Variants in SGCZ observed in about 807,000 individuals in gnomAD.
SGCZ encodes the protein zeta-sarcoglycan.
In SGCZ, 40 loss-of-function variants were observed where a neutral mutation model predicts 41.3. The ratio of observed to expected loss-of-function variants is 0.97; its 90% confidence interval spans 0.75 to 1.26. The LOEUF is 1.26. Among genes scored for constraint, SGCZ ranks in the 50% most tolerant of loss-of-function variants. The pLI is 0.00. For synonymous variants in SGCZ, 206 were observed against 137.5 expected, an observed-to-expected ratio of 1.50 and a Z score of -3.49; for missense variants, 552 against 369.8, an observed-to-expected ratio of 1.49 and a Z score of -4.04.
chr8:14,815,546 T>C (rs756506273), intron 1 of SGCZ, among the ~76,000 whole-genome samples: 2 of 152,158 alleles, frequency 1.3e-5, no homozygotes, highest in South Asian at 2.1e-4. Flanking sequence ...TCTTTAGACA[T>C]TGTCTGCACC....
At chr8:14,670,601 A>G (rs1184329948) in intron 1 of SGCZ, among the ~76,000 whole-genome samples, 1 of 152,210 alleles carries the variant, frequency 6.6e-6, no homozygotes, top group Non-Finnish European at 1.5e-5. Flanking sequence ...ATGTTCTTAC[A>G]CCTGAGGAAA....
chr8:14,582,361 T>C (rs1033097566), intron 1 of SGCZ, among the ~76,000 whole-genome samples: 4 of 152,112 alleles, frequency 2.6e-5, no homozygotes, highest in African/African-American at 7.2e-5. Context: ...AAGGGTCTAC[T>C]GCACATTATT....
intron 2 of SGCZ, among the ~76,000 whole-genome samples, chr8:14,538,072 G>T (rs1217771133): frequency 6.6e-6 from 1 of 151,884 alleles, no homozygotes; most frequent in Non-Finnish European, 1.5e-5. Flanking sequence ...CACTGTGAGA[G>T]AATATAATTT....
intron 3 of SGCZ, among the ~76,000 whole-genome samples, chr8:14,258,946 A>T (rs1182924150): frequency 6.6e-6 from 1 of 152,216 alleles, no homozygotes; most frequent in Non-Finnish European, 1.5e-5. Flanking sequence ...GGCAGAGAGC[A>T]GGTTTATAAC....
intron 1 of SGCZ, among the ~76,000 whole-genome samples, chr8:15,065,212 T>G (rs537817381): frequency 5.1e-4 from 77 of 152,178 alleles, no homozygotes; most frequent in African/African-American, 1.9e-3. Context: ...GGACTCCATT[T>G]CAAACTCCAT....
At chr8:15,234,802 T>C (rs1319434168) in intron 1 of SGCZ, among the ~76,000 whole-genome samples, 1 of 152,066 alleles carries the variant, frequency 6.6e-6, no homozygotes, top group African/African-American at 2.4e-5. Context: ...GAGAAAATAG[T>C]TTATCCCAAA....
At chr8:14,752,060 G>A (rs1799515300) in intron 1 of SGCZ, among the ~76,000 whole-genome samples, 1 of 144,604 alleles carries the variant, frequency 6.9e-6, no homozygotes, top group South Asian at 2.1e-4. Flanking sequence ...CCACAAAGAA[G>A]GGTAAAGATG....
intron 1 of SGCZ, among the ~76,000 whole-genome samples, chr8:14,975,849 A>G (rs1487984447): frequency 6.9e-6 from 1 of 144,330 alleles, no homozygotes; most frequent in South Asian, 2.2e-4. Context: ...ACTACTTATC[A>G]GGCTTTAAAA....
chr8:14,257,730 G>C (rs948195967), intron 3 of SGCZ, among the ~76,000 whole-genome samples: 2 of 151,626 alleles, frequency 1.3e-5, no homozygotes, highest in South Asian at 4.2e-4. Context: ...AGAACATGTG[G>C]TGTTTGGTTT....
chr8:15,007,475 T>C lies in SGCZ; in HGVS notation c.39+230110A>G, dbSNP rs73665363. Among the ~76,000 whole-genome samples the C allele has an allele frequency of 2.1e-3, 318 of 152,354 alleles. 1 individual carries two copies. Among genetic ancestry groups the C allele is most frequent in the African/African-American group, 6.6e-3 (275 of 41,590 alleles). On this transcript the variant is annotated intron_variant, in intron 1 of 7. Coordinates refer to ENST00000382080, the MANE Select transcript of SGCZ (RefSeq NM_139167.4). The stretch of plus-strand genomic sequence containing the variant: ...ATGTGAGAGGCAACAGAGGGTAATA[T>C]TGAAGCCACGGTCTATGAGCCACAA...
At chr8:14,215,529 C>A in intron 4 of SGCZ, among the ~76,000 whole-genome samples, 1 of 150,912 alleles carries the variant, frequency 6.6e-6, no homozygotes, top group East Asian at 1.9e-4. Flanking sequence ...AAATTTAAAG[C>A]AGAAAAAATA....
chr8:14,612,381 TCC>T (rs1805958382), intron 1 of SGCZ, among the ~76,000 whole-genome samples: 1 of 152,182 alleles, frequency 6.6e-6, no homozygotes, highest in Non-Finnish European at 1.5e-5. Context: ...GGTGTTTGCT[TCC>T]CCTTCACCTT....
intron 1 of SGCZ, among the ~76,000 whole-genome samples, chr8:15,117,490 AATAC>A (rs1299848338): frequency 2.0e-4 from 30 of 152,210 alleles, no homozygotes; most frequent in Admixed American, 1.5e-3. Context: ...GGAAGTTGAG[AATAC>A]AGAGGGAGAA....
chr8:14,722,618 T>C (rs991899860), intron 1 of SGCZ, among the ~76,000 whole-genome samples: 2 of 150,602 alleles, frequency 1.3e-5, no homozygotes, highest in East Asian at 3.9e-4. Context: ...GGAAAAGCAA[T>C]ATGAAAAAGC....
intron 6 of SGCZ, 24 bp from the exon 7 acceptor site, chr8:14,102,523 T>C: frequency 7.3e-7 from 1 of 1,361,570 alleles, no homozygotes; most frequent in Non-Finnish European, 9.6e-7. Context: ...AAAAAATCAT[T>C]AATAGGAAAA....
At chr8:14,526,358 A>G (rs775536042) in intron 2 of SGCZ, among the ~76,000 whole-genome samples, 6 of 152,236 alleles carry the variant, frequency 3.9e-5, no homozygotes, top group East Asian at 1.9e-4. Flanking sequence ...GTTCTTTTCT[A>G]TTTGATGACA....
intron 1 of SGCZ, among the ~76,000 whole-genome samples, chr8:14,730,500 T>C (rs1810201934): frequency 6.6e-6 from 1 of 152,104 alleles, no homozygotes; most frequent in Non-Finnish European, 1.5e-5. Context: ...AGCCCTAGCT[T>C]GTTATATTAC....
chr8:14,338,250 C>T (rs918920495), intron 2 of SGCZ, among the ~76,000 whole-genome samples: 1 of 152,192 alleles, frequency 6.6e-6, no homozygotes, highest in African/African-American at 2.4e-5. Context: ...GGTCATGCCA[C>T]AAGATGGGCC....
chr8:15,029,528 T>C (rs1043592576), intron 1 of SGCZ, among the ~76,000 whole-genome samples: 4 of 152,124 alleles, frequency 2.6e-5, no homozygotes, highest in African/African-American at 9.6e-5. Context: ...GATTTCCCAG[T>C]GAATATTTAG....
Sources: gnomAD v4.1 joint callset for allele counts (sites outside exome capture counted in the v4.1 genomes callset) on GRCh38, gnomAD v4.1.1 for gene constraint, MANE v1.5 for transcripts, NCBI Gene and HGNC (gene_info 2026-07-23, HGNC 2026-07-21) for gene names.